The following DAB1 variants were observed in gnomAD, a reference collection of about 807,000 sequenced individuals.
DAB1 encodes the protein DAB adaptor protein 1, also known as disabled homolog 1.
Under a neutral mutation model 64.6 loss-of-function variants are expected in DAB1, and 15 were observed. The observed-to-expected ratio is 0.23, with a 90% CI of 0.16 to 0.36. DAB1 has a LOEUF of 0.36. DAB1 is among the 10% of genes least tolerant of loss of function. The pLI, the probability that DAB1 is intolerant of heterozygous loss-of-function variation, is 1.00. For synonymous variants in DAB1, 235 were observed against 251.9 expected, an observed-to-expected ratio of 0.93 and a Z score of 0.64; for missense variants, 596 against 706.7, an observed-to-expected ratio of 0.84 and a Z score of 1.78.
intron 7 of DAB1, among the ~76,000 whole-genome samples, chr1:57,567,958 G>A (rs1383379403): frequency 7.2e-5 from 11 of 152,082 alleles, no homozygotes; most frequent in Admixed American, 5.9e-4. Flanking sequence ...AAAAGAGCCC[G>A]CATTGCCAAG....
At chr1:58,209,413 T>C (rs973691746) in intron 4 of DAB1, among the ~76,000 whole-genome samples, 4 of 152,170 alleles carry the variant, frequency 2.6e-5, no homozygotes, top group African/African-American at 7.2e-5. Flanking sequence ...TATCACATGC[T>C]CAGAACTGGA....
intron 1 of DAB1, among the ~76,000 whole-genome samples, chr1:57,419,064 A>G (rs1324842682): frequency 6.6e-6 from 1 of 152,174 alleles, no homozygotes; most frequent in African/African-American, 2.4e-5. Flanking sequence ...ATATAAATGT[A>G]CATACCAGAG....
At chr1:57,277,271 G>T (rs182772755) in intron 2 of DAB1, among the ~76,000 whole-genome samples, 234 of 152,120 alleles carry the variant, frequency 1.5e-3, no homozygotes, top group African/African-American at 5.5e-3. Flanking sequence ...TTCTAGCTGT[G>T]GGCAGGATAC....
chr1:57,005,261 T>C (rs1646025649), intron 14 of DAB1, among the ~76,000 whole-genome samples: 1 of 152,208 alleles, frequency 6.6e-6, no homozygotes, highest in Non-Finnish European at 1.5e-5. Flanking sequence ...TGATCTGTTT[T>C]GCACATGTAC....
In DAB1 at chr1:56,997,746, G is replaced by A. The variant is rs1052600253; in HGVS notation, c.*398C>T. 3.3e-5 allele frequency: 5 copies of A among 152,132 alleles called. No homozygotes were observed. Among genetic ancestry groups the A allele is most frequent in the Admixed American group, 6.5e-5 (1 of 15,274 alleles). The allele number at this position is 152,132 out of a possible 1,614,324, so 9.4% of individuals were successfully genotyped here. On this transcript the variant is annotated 3_prime_UTR_variant, in exon 15 of 15. Transcript: ENST00000371236. ...TCTGATGCCTGTCACTCCAAATTTG[G>A]TGTCTCAACAGTGGTCAACAGGTAG...
intron 5 of DAB1, among the ~76,000 whole-genome samples, chr1:58,061,997 T>C (rs17116790): frequency 0.031 from 4,778 of 152,266 alleles, 244 homozygotes; most frequent in African/African-American, 0.11. Flanking sequence ...CTAACCTCCA[T>C]TTCAAATAGT....
rs150435294 is a variant in DAB1, at chr1:58,010,170, C to T, written n.388-126008G>A. 3.4e-4 allele frequency among the ~76,000 whole-genome samples: 51 copies of T among 152,124 alleles called. 1 individual carries two copies. Among genetic ancestry groups the T allele is most frequent in the Admixed American group, 3.0e-3 (46 of 15,264 alleles). On this transcript the variant is annotated intron_variant and non_coding_transcript_variant, in intron 5 of 20. Coordinates refer to the DAB1 transcript ENST00000485760. ...TGACTTTTTCATAAGCAGCATTATGCCCATTCCCTCATCTAATCCTCATAA... is the reference window on the plus strand; with the variant it reads ...TGACTTTTTCATAAGCAGCATTATGTCCATTCCCTCATCTAATCCTCATAA...
chr1:57,464,988 C>T (rs1007754065), intron 7 of DAB1, among the ~76,000 whole-genome samples: 2 of 151,828 alleles, frequency 1.3e-5, no homozygotes, highest in Non-Finnish European at 2.9e-5. Context: ...AGTCTGGCAA[C>T]GTTACAAAGC....
At chr1:57,491,493 T>G (rs1227618842) in intron 7 of DAB1, among the ~76,000 whole-genome samples, 2 of 152,150 alleles carry the variant, frequency 1.3e-5, no homozygotes, top group Non-Finnish European at 2.9e-5. Context: ...TTTATAGAAC[T>G]GTTGGAGGAC....
intron 2 of DAB1, among the ~76,000 whole-genome samples, chr1:57,159,540 C>A (rs1431667635): frequency 1.3e-5 from 2 of 152,128 alleles, no homozygotes; most frequent in Non-Finnish European, 2.9e-5. Context: ...GTATCCCATA[C>A]AACAAGAACA....
chr1:57,607,364 T>C (rs1645669946), intron 7 of DAB1, among the ~76,000 whole-genome samples: 1 of 152,206 alleles, frequency 6.6e-6, no homozygotes, highest in Admixed American at 6.5e-5. Flanking sequence ...TGTGCAAACA[T>C]TAGTTTTCTG....
At chr1:57,364,724 A>C (rs187518984) in intron 1 of DAB1, among the ~76,000 whole-genome samples, 218 of 152,080 alleles carry the variant, frequency 1.4e-3, no homozygotes, top group African/African-American at 5.0e-3. Context: ...CTGTATCGAT[A>C]TCAAGAAATC....
intron 2 of DAB1, among the ~76,000 whole-genome samples, chr1:57,272,118 C>T (rs562209068): frequency 2.6e-5 from 4 of 152,240 alleles, no homozygotes; most frequent in Non-Finnish European, 5.9e-5. Flanking sequence ...TTTTCTAGTG[C>T]GGGGCTCCAA....
intron 3 of DAB1, among the ~76,000 whole-genome samples, chr1:58,351,228 TG>T (rs1644052609): frequency 6.6e-6 from 1 of 152,196 alleles, no homozygotes; most frequent in African/African-American, 2.4e-5. Flanking sequence ...CAATTGCAAA[TG>T]GGCTCGTTTA....
At chr1:58,031,940 A>C (rs951202993) in intron 5 of DAB1, among the ~76,000 whole-genome samples, 5 of 151,928 alleles carry the variant, frequency 3.3e-5, no homozygotes, top group African/African-American at 1.2e-4. Flanking sequence ...GTAAAAAAAA[A>C]AATCTTCCCT....
intron 1 of DAB1, among the ~76,000 whole-genome samples, chr1:57,859,439 G>A (rs1653907368): frequency 6.6e-6 from 1 of 152,004 alleles, no homozygotes; most frequent in Non-Finnish European, 1.5e-5. Context: ...TATATTCACT[G>A]AAACCCCCCA....
At chr1:58,509,603 A>G (rs1023973215) in intron 2 of DAB1, among the ~76,000 whole-genome samples, 4 of 151,634 alleles carry the variant, frequency 2.6e-5, no homozygotes, top group African/African-American at 9.6e-5. Context: ...CAAAAAAGAA[A>G]AAAAAAAAAG....
intron 2 of DAB1, among the ~76,000 whole-genome samples, chr1:57,194,144 G>C (rs569761791): frequency 6.6e-6 from 1 of 152,188 alleles, no homozygotes; most frequent in Non-Finnish European, 1.5e-5. Flanking sequence ...AGAATCATCT[G>C]GAGGGCTTGT....
intron 3 of DAB1, among the ~76,000 whole-genome samples, chr1:58,486,656 T>C (rs1645580465): frequency 6.6e-6 from 1 of 152,164 alleles, no homozygotes; most frequent in African/African-American, 2.4e-5. Flanking sequence ...GTAATTTTAG[T>C]TAAGTACATG....
Sources: gnomAD v4.1 joint callset for allele counts (sites outside exome capture counted in the v4.1 genomes callset) on GRCh38, gnomAD v4.1.1 for gene constraint, MANE v1.5 for transcripts, NCBI Gene and HGNC (gene_info 2026-07-23, HGNC 2026-07-21) for gene names.